Variants in GGACT observed in about 807,000 individuals in gnomAD.
GGACT encodes gamma-glutamylamine cyclotransferase, also known as gamma-glutamylaminecyclotransferase.
For missense variants in GGACT, 241 were observed against 233.2 expected (o/e 1.03, Z -0.22); for synonymous variants, 118 against 115.3 (o/e 1.02, Z -0.15).
At chr13:100,553,397 A>G (rs761567611) in intron 2 of GGACT, among the ~76,000 whole-genome samples, 10 of 152,190 alleles carry the variant, frequency 6.6e-5, no homozygotes, top group Non-Finnish European at 1.3e-4. Flanking sequence ...ATGTCCACCA[A>G]CAGTCAAATG....
chr13:100,567,676 C>T (rs1874939730), intron 2 of GGACT, among the ~76,000 whole-genome samples: 1 of 152,228 alleles, frequency 6.6e-6, no homozygotes, highest in African/African-American at 2.4e-5. Context: ...CTTACATTCA[C>T]TTCTTTACAC....
At chr13:100,553,940 G>C (rs933736844) in intron 2 of GGACT, among the ~76,000 whole-genome samples, 1 of 151,186 alleles carries the variant, frequency 6.6e-6, no homozygotes, top group Non-Finnish European at 1.5e-5. Flanking sequence ...CTCTTCTAAC[G>C]TATGGTATAC....
intron 2 of GGACT, chr13:100,541,858 C>A (rs886503692): frequency 2.0e-5 from 3 of 152,164 alleles, no homozygotes; most frequent in Admixed American, 1.3e-4. Flanking sequence ...GCTAGAATGA[C>A]CAACTAAAAT....
intron 1 of GGACT, chr13:100,586,993 AAAATTCCTAAT>A (rs1206177829): frequency 6.6e-6 from 1 of 152,226 alleles, no homozygotes; most frequent in Non-Finnish European, 1.5e-5. Flanking sequence ...GAGAACTCTT[AAAATTCCTAAT>A]AGAGTTTGCC....
At chr13:100,571,699 G>A (rs989426792) in intron 2 of GGACT, among the ~76,000 whole-genome samples, 2 of 152,126 alleles carry the variant, frequency 1.3e-5, no homozygotes, top group African/African-American at 4.8e-5. Flanking sequence ...CTTGTTCAGG[G>A]TGTTTCATCT....
chr13:100,567,776 G>T (rs1177279824), intron 2 of GGACT, among the ~76,000 whole-genome samples: 1 of 152,142 alleles, frequency 6.6e-6, no homozygotes, highest in East Asian at 1.9e-4. Context: ...CATATCACAG[G>T]ATTCATTCCA....
intron 2 of GGACT, among the ~76,000 whole-genome samples, chr13:100,571,998 T>C (rs1425157158): frequency 1.3e-5 from 2 of 152,198 alleles, no homozygotes; most frequent in Non-Finnish European, 2.9e-5. Context: ...GGTTGACTGG[T>C]GTTCTTTATT....
At chr13:100,582,722 T>C (rs1006904058) in intron 2 of GGACT, among the ~76,000 whole-genome samples, 1 of 152,198 alleles carries the variant, frequency 6.6e-6, no homozygotes, top group Non-Finnish European at 1.5e-5. Flanking sequence ...CCCTAGAGCC[T>C]CCAGACAGCT....
intron 2 of GGACT, chr13:100,540,264 C>G: frequency 4.1e-6 from 5 of 1,205,652 alleles, no homozygotes; most frequent in African/African-American, 1.5e-5. Flanking sequence ...AGGCACGGAC[C>G]GGAGAGAGAG....
intron 2 of GGACT, among the ~76,000 whole-genome samples, chr13:100,576,422 C>A (rs961954334): frequency 6.6e-6 from 1 of 151,986 alleles, no homozygotes; most frequent in African/African-American, 2.4e-5. Context: ...AAATTATGAC[C>A]CAGCAATTGC....
At chr13:100,580,452 A>G (rs551839528) in intron 2 of GGACT, among the ~76,000 whole-genome samples, 73 of 152,336 alleles carry the variant, frequency 4.8e-4, no homozygotes, top group African/African-American at 1.7e-3. Flanking sequence ...CCAGAAGCTG[A>G]AAAAGGTAGG....
intron 2 of GGACT, among the ~76,000 whole-genome samples, chr13:100,573,058 TCAATC>T (rs1875134464): frequency 6.6e-6 from 1 of 152,202 alleles, no homozygotes; most frequent in Admixed American, 6.5e-5. Context: ...AATCTACACT[TCAATC>T]CAACTAAAAG....
chr13:100,581,428 G>C (rs1204968555), intron 2 of GGACT, among the ~76,000 whole-genome samples: 1 of 152,216 alleles, frequency 6.6e-6, no homozygotes. Context: ...AGAGACAATG[G>C]AACAGGCTCC....
intron 2 of GGACT, among the ~76,000 whole-genome samples, chr13:100,556,153 A>G (rs902141536): frequency 6.6e-6 from 1 of 152,266 alleles, no homozygotes; most frequent in East Asian, 1.9e-4. Flanking sequence ...AGAAAAAGAA[A>G]TAAAAGGCAT....
Position 100,531,848 on chromosome 13 carries a change from C to A in GGACT, c.*282G>T, listed in dbSNP as rs1211575227. 2.9e-6 allele frequency: 1 copy of A among 349,696 alleles called. No individual in the cohort carries two copies. The highest frequency in any genetic ancestry group is 4.3e-5 in the Admixed American group (1 of 23,390). 21.7% of individuals were successfully genotyped at this position (349,696 alleles called of 1,614,324 possible). On this transcript the variant is annotated 3_prime_UTR_variant, in exon 3 of 3. Coordinates refer to ENST00000683975, the MANE Select transcript of GGACT (RefSeq NM_001195087.2). ...AAAGCAGAGCCAACAGCAGAAACAA[C>A]ACGAGGAGGAAGAAGAATTAGGCAT...
chr13:100,535,397 G>A (rs947830715), intron 2 of GGACT, among the ~76,000 whole-genome samples: 3 of 152,186 alleles, frequency 2.0e-5, no homozygotes, highest in Non-Finnish European at 2.9e-5. Flanking sequence ...CAAAAAGTGG[G>A]TGAGCATAGT....
At chr13:100,587,746 T>C (rs1212707238) in intron 1 of GGACT, among the ~76,000 whole-genome samples, 2 of 152,102 alleles carry the variant, frequency 1.3e-5, no homozygotes, top group Non-Finnish European at 2.9e-5. Context: ...AGGCCACAAA[T>C]CCCGGGTGCA....
intron 2 of GGACT, among the ~76,000 whole-genome samples, chr13:100,572,603 TG>T (rs1436711004): frequency 6.6e-6 from 1 of 152,206 alleles, no homozygotes; most frequent in East Asian, 1.9e-4. Flanking sequence ...TTGCCCAGGC[TG>T]GGGTGCAGTG....
At chr13:100,535,035 G>A (rs947693646) in intron 2 of GGACT, among the ~76,000 whole-genome samples, 1 of 152,210 alleles carries the variant, frequency 6.6e-6, no homozygotes, top group East Asian at 1.9e-4. Flanking sequence ...GGAACATGAA[G>A]GGCCAGAAGA....
Sources: allele counts gnomAD v4.1 joint callset (sites outside exome capture counted in the v4.1 genomes callset), GRCh38; gene constraint gnomAD v4.1.1; transcripts MANE v1.5; gene names NCBI Gene and HGNC (gene_info 2026-07-23, HGNC 2026-07-21).